The following AMOTL1 variants were observed in gnomAD, a reference collection of about 807,000 sequenced individuals.
AMOTL1 encodes the protein angiomotin-like protein 1.
A neutral mutation model predicts 102.9 loss-of-function variants in AMOTL1; 45 were observed. That is an observed-to-expected ratio of 0.44 (90% confidence interval 0.34 to 0.56). The LOEUF (loss-of-function observed/expected upper bound fraction) is 0.56. Among genes scored for constraint, AMOTL1 ranks in the 20% least tolerant of loss-of-function variants. The probability of loss-of-function intolerance (pLI) is 0.01; values close to 1 mark genes in which losing one functional copy is unlikely to be tolerated. For synonymous variants in AMOTL1, 481 were observed against 484.7 expected, an observed-to-expected ratio of 0.99 and a Z score of 0.10; for missense variants, 1,114 against 1,225.6, an observed-to-expected ratio of 0.91 and a Z score of 1.36.
intron 1 of AMOTL1, among the ~76,000 whole-genome samples, chr11:94,716,769 A>G (rs780674399): frequency 2.0e-5 from 3 of 152,082 alleles, no homozygotes; most frequent in Non-Finnish European, 4.4e-5. Flanking sequence ...ATGTTGATGC[A>G]GGTGGAACCC....
At chr11:94,851,437 T>C (rs1433767429) in intron 7 of AMOTL1, among the ~76,000 whole-genome samples, 1 of 152,236 alleles carries the variant, frequency 6.6e-6, no homozygotes, top group Non-Finnish European at 1.5e-5. Flanking sequence ...GTGAAATCTT[T>C]GGTTGGTTGA....
At chr11:94,821,902 A>G in intron 4 of AMOTL1, 81 bp downstream of exon 4, 1 of 1,542,482 alleles carries the variant, frequency 6.5e-7, no homozygotes, top group Non-Finnish European at 8.8e-7. Flanking sequence ...CTGACTTGCC[A>G]ACATTGCAGT....
chr11:94,808,784 T>G (rs1239931902), intron 3 of AMOTL1, among the ~76,000 whole-genome samples: 1 of 152,156 alleles, frequency 6.6e-6, no homozygotes, highest in East Asian at 1.9e-4. Context: ...ATCTTAAGTT[T>G]GAAAGAGACA....
intron 1 of AMOTL1, among the ~76,000 whole-genome samples, chr11:94,723,731 G>C (rs537754219): frequency 5.9e-5 from 9 of 151,998 alleles, no homozygotes; most frequent in Non-Finnish European, 1.2e-4. Context: ...TATCCCTCTA[G>C]CATTTCATGT....
At chr11:94,808,424 T>G (rs1002014921) in intron 3 of AMOTL1, among the ~76,000 whole-genome samples, 2 of 152,236 alleles carry the variant, frequency 1.3e-5, no homozygotes, top group African/African-American at 2.4e-5. Flanking sequence ...ACATCCTTTT[T>G]CTATTTACCC....
In AMOTL1 at chr11:94,728,867, A is replaced by G. The variant is rs576394133; in HGVS notation, c.-50-54A>G. On this transcript the variant is annotated intron_variant, in intron 1 of 4. Coordinates refer to the AMOTL1 transcript ENST00000299004. ...CCTTCAAGAAAGCTTCTCTTCACAA[A>G]GAGAACATCAGTGGTAATTCAAATC... 13 of 817,830 alleles carry G rather than the reference A, an allele frequency of 1.6e-5. No individual in the cohort carries two copies. The East Asian group carries it at 8.5e-4, about 53-fold the overall frequency. The allele number at this position is 817,830 out of a possible 1,614,324, so 50.7% of individuals were successfully genotyped here.
At chr11:94,766,905 G>A (rs1950861510), upstream of AMOTL1, among the ~76,000 whole-genome samples, 2 of 152,050 alleles carry the variant, frequency 1.3e-5, no homozygotes, top group South Asian at 2.1e-4. Flanking sequence ...TTTTCTCCTC[G>A]TTTCTGGTAA....
At chr11:94,816,376 A>G (rs977745608) in intron 3 of AMOTL1, among the ~76,000 whole-genome samples, 1 of 152,176 alleles carries the variant, frequency 6.6e-6, no homozygotes, top group African/African-American at 2.4e-5. Flanking sequence ...AAAAATTTTT[A>G]CTTGTTACCT....
chr11:94,837,808 ATTAT>A (rs1393083953), intron 6 of AMOTL1, among the ~76,000 whole-genome samples: 3 of 152,218 alleles, frequency 2.0e-5, no homozygotes, highest in Non-Finnish European at 4.4e-5. Context: ...TGGTTTTAAA[ATTAT>A]TTATTTGCTT....
chr11:94,723,462 T>C (rs1950206217), intron 1 of AMOTL1, among the ~76,000 whole-genome samples: 1 of 152,144 alleles, frequency 6.6e-6, no homozygotes, highest in South Asian at 2.1e-4. Context: ...CCTAAAAATA[T>C]GCTTGTTGCC....
chr11:94,709,195 C>G (rs1213187345), intron 1 of AMOTL1, among the ~76,000 whole-genome samples: 1 of 152,106 alleles, frequency 6.6e-6, no homozygotes, highest in Admixed American at 6.6e-5. Flanking sequence ...TATAGGCTAG[C>G]CTTAGAGACT....
At chr11:94,774,719 A>G (rs959867450) in intron 1 of AMOTL1, among the ~76,000 whole-genome samples, 3 of 152,182 alleles carry the variant, frequency 2.0e-5, no homozygotes, top group Admixed American at 1.3e-4. Flanking sequence ...CACGTTTCCA[A>G]GCAATGCTGA....
chr11:94,768,611 G>A, intron 1 of AMOTL1, 51 bp downstream of exon 1: 1 of 1,561,468 alleles, frequency 6.4e-7, no homozygotes, highest in East Asian at 2.4e-5. Flanking sequence ...AGTCTCCCAC[G>A]CGAAGAACCC....
At chr11:94,854,177 C>T (rs908095943) in intron 8 of AMOTL1, 95 bp downstream of exon 8, 22 of 1,398,150 alleles carry the variant, frequency 1.6e-5, no homozygotes, top group Non-Finnish European at 2.1e-5. Flanking sequence ...GCACCTTGCT[C>T]CCAGGATTCA....
intron 1 of AMOTL1, among the ~76,000 whole-genome samples, chr11:94,788,239 G>T (rs961833720): frequency 6.6e-6 from 1 of 152,198 alleles, no homozygotes; most frequent in African/African-American, 2.4e-5. Flanking sequence ...AGGGAACATG[G>T]TAGGTAATAG....
chr11:94,810,051 G>C (rs950724502), intron 3 of AMOTL1, among the ~76,000 whole-genome samples: 18 of 151,924 alleles, frequency 1.2e-4, no homozygotes, highest in Non-Finnish European at 2.2e-4. Flanking sequence ...TTGATAACCT[G>C]TTTTATTACT....
chr11:94,762,957 T>G (rs967963251), intron 3 of AMOTL1, among the ~76,000 whole-genome samples: 6 of 152,228 alleles, frequency 3.9e-5, no homozygotes, highest in Non-Finnish European at 8.8e-5. Flanking sequence ...AAACTACCTA[T>G]GTAGCATGGT....
intron 3 of AMOTL1, among the ~76,000 whole-genome samples, chr11:94,819,080 TA>T (rs1166802015): frequency 6.6e-6 from 1 of 152,204 alleles, no homozygotes; most frequent in African/African-American, 2.4e-5. Context: ...TCTTTCCTAA[TA>T]ACCTGACACC....
chr11:94,802,293 G>A (rs1292362200), intron 3 of AMOTL1, among the ~76,000 whole-genome samples: 1 of 152,184 alleles, frequency 6.6e-6, no homozygotes, highest in Admixed American at 6.5e-5. Context: ...AAGCCATGAT[G>A]TTATTCCACC....
Sources: gnomAD v4.1 joint callset for allele counts (sites outside exome capture counted in the v4.1 genomes callset) on GRCh38, gnomAD v4.1.1 for gene constraint, MANE v1.5 for transcripts, NCBI Gene and HGNC (gene_info 2026-07-23, HGNC 2026-07-21) for gene names.